Variants in TBC1D30 observed in about 807,000 individuals in gnomAD.
The protein encoded by TBC1D30 is TBC1 domain family, member 30.
TBC1D30 carries 31 observed loss-of-function variants against 63.2 expected under a neutral mutation model. The ratio of observed to expected loss-of-function variants is 0.49; its 90% CI spans 0.37 to 0.66. The LOEUF (loss-of-function observed/expected upper bound fraction) is 0.66, where lower values mean the gene tolerates loss of function less well. Ranked by LOEUF, TBC1D30 falls within the 30% of genes least tolerant of loss-of-function variation. The pLI is 0.00. For missense variants in TBC1D30, 810 were observed against 953.6 expected (o/e 0.85, Z 1.98); for synonymous variants, 307 against 361.5 (o/e 0.85, Z 1.71).
chr12:64,854,498 C>CTTTTTT (rs71278243), intron 8 of TBC1D30, among the ~76,000 whole-genome samples: 62 of 138,824 alleles, frequency 4.5e-4, no homozygotes, highest in African/African-American at 1.5e-3. Context: ...CTTTTTCTTT[C>CTTTTTT]TTTTTTTTTT....
chr12:64,770,658 G>C (rs2136277085), intron 1 of TBC1D30, among the ~76,000 whole-genome samples: 1 of 152,082 alleles, frequency 6.6e-6, no homozygotes, highest in Non-Finnish European at 1.5e-5. Context: ...TCATGCACGT[G>C]GCCATTGTCC....
At chr12:64,838,620 G>A (rs566863843) in intron 6 of TBC1D30, 63 bp from the exon 7 acceptor site, 2 of 1,471,810 alleles carry the variant, frequency 1.4e-6, no homozygotes, top group African/African-American at 2.8e-5. Context: ...ACTAGAAAAG[G>A]GTATCTGCAT....
chr12:64,851,266 A>G (rs764421977), intron 8 of TBC1D30, among the ~76,000 whole-genome samples: 13 of 151,974 alleles, frequency 8.6e-5, no homozygotes, highest in African/African-American at 2.2e-4. Context: ...TCATGTCTCT[A>G]TCTCCTTCAG....
At chr12:64,853,665 T>C (rs543281821) in intron 8 of TBC1D30, among the ~76,000 whole-genome samples, 132 of 152,188 alleles carry the variant, frequency 8.7e-4, no homozygotes, top group Non-Finnish European at 1.6e-3. Flanking sequence ...GTGAAGACCA[T>C]GGGAAAAGCA....
intron 2 of TBC1D30, among the ~76,000 whole-genome samples, chr12:64,808,866 T>A (rs1873038525): frequency 6.6e-6 from 1 of 152,132 alleles, no homozygotes; most frequent in Non-Finnish European, 1.5e-5. Flanking sequence ...TATAGTAATA[T>A]ATCCATGCTA....
At chr12:64,798,851 C>T (rs772381097) in intron 2 of TBC1D30, among the ~76,000 whole-genome samples, 36 of 136,038 alleles carry the variant, frequency 2.6e-4, no homozygotes, top group Non-Finnish European at 4.3e-4. Flanking sequence ...CTCGCTCTGT[C>T]ACCCAGGCTA....
intron 5 of TBC1D30, among the ~76,000 whole-genome samples, chr12:64,834,554 A>C (rs1190822514): frequency 2.0e-5 from 3 of 151,340 alleles, no homozygotes; most frequent in Non-Finnish European, 4.4e-5. Context: ...TTACAGGTAT[A>C]CACCACCACG....
intron 1 of TBC1D30, among the ~76,000 whole-genome samples, chr12:64,760,194 A>G (rs1012320053): frequency 2.6e-5 from 4 of 152,150 alleles, no homozygotes; most frequent in African/African-American, 9.7e-5. Flanking sequence ...TTATTAAGTA[A>G]TCTTTAGCGG....
At position 64,866,441 on chromosome 12, in the gene TBC1D30, T is replaced by C. The variant is rs1205922243; in HGVS notation, c.1152-323T>C. ...TATAAATCACGTCATTATATATAAT[T>C]CTTTTTTTTTTTGAGACGGAGTCTT... On this transcript the variant is annotated intron_variant, in intron 9 of 11. Transcript: ENST00000539867. Among the ~76,000 whole-genome samples the C allele has an allele frequency of 2.0e-5, 3 of 151,908 alleles. No individual in the cohort carries two copies. In the East Asian group the frequency reaches 5.8e-4, roughly 29 times the overall value.
At chr12:64,767,935 G>T (rs1052264644) in intron 1 of TBC1D30, among the ~76,000 whole-genome samples, 1 of 152,064 alleles carries the variant, frequency 6.6e-6, no homozygotes, top group Non-Finnish European at 1.5e-5. Context: ...TCTTACTAGT[G>T]AGAAAGAAGC....
At chr12:64,817,773 G>T (rs984967936) in intron 2 of TBC1D30, among the ~76,000 whole-genome samples, 3 of 152,126 alleles carry the variant, frequency 2.0e-5, no homozygotes, top group African/African-American at 7.2e-5. Flanking sequence ...AGGGTCAAAA[G>T]AATCTTTGGG....
At chr12:64,851,555 A>T (rs1405793988) in intron 8 of TBC1D30, among the ~76,000 whole-genome samples, 1 of 152,202 alleles carries the variant, frequency 6.6e-6, no homozygotes, top group African/African-American at 2.4e-5. Context: ...TTATGTGTGA[A>T]TTAGATCATT....
In TBC1D30 at chr12:64,846,001, ATCT is replaced by A. The variant is rs1283926958; in HGVS notation, c.1038+2521_1038+2523del. Among the ~76,000 whole-genome samples the A allele has an allele frequency of 1.2e-4, 19 of 152,112 alleles. No homozygotes were observed. The East Asian group carries it at 2.5e-3, about 20-fold the overall frequency. ...TCATAAGCCTGTTCGTCATTTGTAT[ATCT>A]TCTTTTGAGAAATGGCTATTCAGAT... On this transcript the variant is annotated intron_variant, in intron 8 of 11. Transcript: ENST00000539867.
At chr12:64,810,262 T>C (rs1873130203) in intron 2 of TBC1D30, among the ~76,000 whole-genome samples, 1 of 152,198 alleles carries the variant, frequency 6.6e-6, no homozygotes, top group Non-Finnish European at 1.5e-5. Context: ...GCCATTCTCC[T>C]TCTCCATGTT....
upstream of TBC1D30, among the ~76,000 whole-genome samples, chr12:64,824,283 C>T (rs887749939): frequency 6.6e-6 from 1 of 152,154 alleles, no homozygotes; most frequent in African/African-American, 2.4e-5. Flanking sequence ...GCAATTCGGG[C>T]TGAAGCGTGT....
chr12:64,812,609 G>A (rs191756610), intron 2 of TBC1D30, among the ~76,000 whole-genome samples: 1 of 152,242 alleles, frequency 6.6e-6, no homozygotes, highest in East Asian at 1.9e-4. Flanking sequence ...TTTCATAAAT[G>A]ATGGACTGCA....
intron 7 of TBC1D30, among the ~76,000 whole-genome samples, chr12:64,840,250 G>C (rs1875755746): frequency 6.6e-6 from 1 of 152,132 alleles, no homozygotes; most frequent in Non-Finnish European, 1.5e-5. Flanking sequence ...TCTATACATT[G>C]TAAGCCCTTT....
intron 2 of TBC1D30, among the ~76,000 whole-genome samples, chr12:64,799,251 G>A (rs2136313808): frequency 6.6e-6 from 1 of 152,186 alleles, no homozygotes; most frequent in African/African-American, 2.4e-5. Flanking sequence ...CCACTTACTA[G>A]TTCTACAGTC....
chr12:64,824,637 C>T, upstream of TBC1D30: 1 of 412,560 alleles, frequency 2.4e-6, no homozygotes, highest in Non-Finnish European at 4.2e-6. Flanking sequence ...CTCGAGCGAT[C>T]TCCTGCCTCA....
Sources: gnomAD v4.1 joint callset for allele counts (sites outside exome capture counted in the v4.1 genomes callset) on GRCh38, gnomAD v4.1.1 for gene constraint, MANE v1.5 for transcripts, NCBI Gene and HGNC (gene_info 2026-07-23, HGNC 2026-07-21) for gene names.